Variants in PCYOX1L observed in about 807,000 individuals in gnomAD.
The protein encoded by PCYOX1L is prenylcysteine oxidase 1-like.
PCYOX1L carries 40 observed loss-of-function variants against 44.1 expected under a neutral mutation model. That is an observed-to-expected ratio of 0.91 (90% CI 0.70 to 1.18). The LOEUF is 1.18. Ranked by LOEUF, PCYOX1L falls within the 50% of genes most tolerant of loss-of-function variation. PCYOX1L has a pLI of 0.00. For missense variants in PCYOX1L, 605 were observed against 653.3 expected (o/e 0.93, Z 0.81); for synonymous variants, 266 against 282.8 (o/e 0.94, Z 0.60).
In PCYOX1L at chr5:149,365,842, G is replaced by A. The variant is rs1294048093; in HGVS notation, c.471-100G>A. 1.1e-5 allele frequency: 12 copies of A among 1,067,568 alleles called. No homozygotes were observed. In the East Asian group the frequency reaches 2.6e-4, roughly 23 times the overall value. 66.1% of individuals were successfully genotyped at this position (1,067,568 alleles called of 1,614,324 possible). A position where few individuals can be genotyped will look rare whatever the true frequency, so the allele number is the denominator to read the frequency against. Reference sequence around the variant, plus strand: ...TGCCACCACTCCATGTAGAGGAAGTGATGGGTTCCTGGTGGGCCTCCCAGG... The same window carrying A: ...TGCCACCACTCCATGTAGAGGAAGTAATGGGTTCCTGGTGGGCCTCCCAGG... On this transcript the variant is annotated intron_variant, in intron 3 of 5. Transcript: ENST00000274569.
At chr5:149,367,581 C>G in intron 5 of PCYOX1L, 81 bp downstream of exon 5, 4 of 1,563,198 alleles carry the variant, frequency 2.6e-6, no homozygotes, top group Non-Finnish European at 2.6e-6. Context: ...GTACCTCAGC[C>G]CTGGTCTGTG....
intron 3 of PCYOX1L, chr5:149,364,479 G>A (rs1266120708): frequency 1.4e-5 from 5 of 348,134 alleles, no homozygotes; most frequent in East Asian, 5.2e-5. Context: ...AAACTCAGTC[G>A]CTTAACAAGG....
At chr5:149,366,217 T>G in intron 4 of PCYOX1L, 64 bp downstream of exon 4, 1 of 1,540,388 alleles carries the variant, frequency 6.5e-7, no homozygotes, top group Non-Finnish European at 8.8e-7. Flanking sequence ...CAGAATGGGC[T>G]GGGGGTCCCC....
At position 149,368,312 on chromosome 5, in the gene PCYOX1L, C is replaced by T; in HGVS notation, c.1143C>T (p.Ala381=). The T allele has an allele frequency of 6.2e-7, 1 of 1,614,202 alleles. No homozygotes were observed. Among genetic ancestry groups the T allele is most frequent in the South Asian group, 1.1e-5 (1 of 91,086 alleles). Reference sequence around the variant, plus strand: ...ACATCTGCCCTGTCAACATCTCTGCCAGCTTCCGGCGAAAGCAGCCCCAGG... The same window carrying T: ...ACATCTGCCCTGTCAACATCTCTGCTAGCTTCCGGCGAAAGCAGCCCCAGG... The part of the protein sequence containing the change: ...LDNICPVNIS[A]SFRRKQPQEA... Residue 381 remains alanine (A), a synonymous_variant, in exon 6 of 6, where the codon GCC becomes GCT. Transcript: ENST00000274569.
intron 3 of PCYOX1L, 130 bp downstream of exon 3, chr5:149,364,340 A>G: frequency 8.9e-7 from 1 of 1,125,272 alleles, no homozygotes; most frequent in Non-Finnish European, 1.2e-6. Flanking sequence ...AATTCAGTGC[A>G]GGCTCAGAGC....
At chr5:149,359,105 C>A (rs1170159770) in intron 1 of PCYOX1L, among the ~76,000 whole-genome samples, 2 of 151,876 alleles carry the variant, frequency 1.3e-5, no homozygotes, top group African/African-American at 4.8e-5. Flanking sequence ...AACTACATGA[C>A]TCGTGAAGAT....
chr5:149,362,604 C>G (rs775375880), intron 1 of PCYOX1L, 33 bp from the exon 2 acceptor site: 1 of 1,611,546 alleles, frequency 6.2e-7, no homozygotes, highest in South Asian at 1.1e-5. Context: ...TGTTCTGTCT[C>G]TCTTCTTCCC....
In PCYOX1L at chr5:149,368,720, G is replaced by A; in HGVS notation, c.*66G>A. 2 of 1,445,508 alleles carry A rather than the reference G, an allele frequency of 1.4e-6. No individual in the cohort carries two copies. The highest frequency in any genetic ancestry group is 1.8e-6 in the Non-Finnish European group (2 of 1,092,692). 89.5% of individuals were successfully genotyped at this position (1,445,508 alleles called of 1,614,324 possible). A position where few individuals can be genotyped will look rare whatever the true frequency, so the allele number is the denominator to read the frequency against. ...AGATGGATCATCCCACAGCAGCCCA[G>A]GACTGAATAAGCCATGCTCGCCCAC... On this transcript the variant is annotated 3_prime_UTR_variant, in exon 6 of 6. Coordinates refer to ENST00000274569, the MANE Select transcript of PCYOX1L (RefSeq NM_024028.4).
chr5:149,361,760 C>G (rs1406726506), intron 1 of PCYOX1L, among the ~76,000 whole-genome samples: 1 of 152,208 alleles, frequency 6.6e-6, no homozygotes, highest in Non-Finnish European at 1.5e-5. Context: ...TCCTGAGTAG[C>G]TGGGATTGCA....
intron 4 of PCYOX1L, among the ~76,000 whole-genome samples, chr5:149,366,591 G>A (rs1343614610): frequency 6.6e-6 from 1 of 152,202 alleles, no homozygotes; most frequent in East Asian, 1.9e-4. Flanking sequence ...CACAGGAGTG[G>A]AGAATGTAGG....
At chr5:149,366,654 A>G (rs1396708793) in intron 4 of PCYOX1L, among the ~76,000 whole-genome samples, 5 of 152,228 alleles carry the variant, frequency 3.3e-5, no homozygotes, top group Non-Finnish European at 1.5e-5. Context: ...TTGCAAACAC[A>G]GAACAGTGCC....
intron 3 of PCYOX1L, chr5:149,365,234 TC>T (rs964747630): frequency 2.0e-5 from 3 of 152,342 alleles, no homozygotes; most frequent in African/African-American, 7.2e-5. Context: ...AAATGACTTC[TC>T]CCTCTCAGCC....
intron 4 of PCYOX1L, 45 bp downstream of exon 4, chr5:149,366,198 CA>C: frequency 6.3e-7 from 1 of 1,587,402 alleles, no homozygotes; most frequent in Non-Finnish European, 8.6e-7. Context: ...CTCCTCCACC[CA>C]AGGTGCTCAG....
intron 2 of PCYOX1L, chr5:149,363,189 A>G: frequency 4.8e-6 from 2 of 413,876 alleles, no homozygotes; most frequent in South Asian, 3.7e-5. Flanking sequence ...CCCTCTACCA[A>G]CCTGCAAGAT....
intron 2 of PCYOX1L, 124 bp from the exon 3 acceptor site, chr5:149,363,912 A>T: frequency 9.1e-7 from 1 of 1,096,080 alleles, no homozygotes; most frequent in Non-Finnish European, 1.3e-6. Flanking sequence ...TTTACTGTTT[A>T]TTAACAAGCA....
At chr5:149,363,113 A>G (rs141757073) in intron 2 of PCYOX1L, 41 of 596,534 alleles carry the variant, frequency 6.9e-5, no homozygotes, top group African/African-American at 4.7e-4. Context: ...TCGTGATTAT[A>G]TCACCTTCCA....
At chr5:149,359,858 G>T (rs540641897) in intron 1 of PCYOX1L, among the ~76,000 whole-genome samples, 3 of 152,278 alleles carry the variant, frequency 2.0e-5, no homozygotes, top group African/African-American at 7.2e-5. Context: ...ACAAGAATGC[G>T]GATTCCTGTT....
intron 2 of PCYOX1L, chr5:149,363,475 CA>C (rs1384488890): frequency 4.4e-6 from 1 of 229,174 alleles, no homozygotes; most frequent in Non-Finnish European, 8.8e-6. Context: ...TGGGGTTAAA[CA>C]AATTATTGTA....
chr5:149,362,710 G>T lies in PCYOX1L; in HGVS notation c.162G>T (p.Gln54His). The T allele has an allele frequency of 6.2e-7, 1 of 1,614,214 alleles. No individual in the cohort carries two copies. The highest frequency in any genetic ancestry group is 2.2e-5 in the East Asian group (1 of 44,880). The change falls in exon 2 of 6, where the codon CAG (glutamine) becomes CAT (histidine). Residue 54 changes from glutamine (Q) to histidine (H), a missense_variant. Physicochemically the swap from Gln to His is conservative, Grantham distance 24. Coordinates refer to ENST00000274569, the MANE Select transcript of PCYOX1L (RefSeq NM_024028.4). Reference sequence around the variant, plus strand: ...AGCAGCACTTTGGACCTCGGGTGCAGATCGACGTGTACGAGAAGGGAACCG... The same window carrying T: ...AGCAGCACTTTGGACCTCGGGTGCATATCGACGTGTACGAGAAGGGAACCG... ...FLQQHFGPRV[Q>H]IDVYEKGTVG...
Sources: allele counts gnomAD v4.1 joint callset (sites outside exome capture counted in the v4.1 genomes callset), GRCh38; gene constraint gnomAD v4.1.1; transcripts MANE v1.5; gene names NCBI Gene and HGNC (gene_info 2026-07-23, HGNC 2026-07-21).